Variants in CTNND2 observed in about 807,000 individuals in gnomAD.
The protein encoded by CTNND2 is catenin delta-2.
In CTNND2, 22 loss-of-function variants were observed where a neutral mutation model predicts 144.4. The observed-to-expected ratio is 0.15, with a 90% CI of 0.11 to 0.22. The LOEUF (loss-of-function observed/expected upper bound fraction) is 0.22, where lower values mean the gene tolerates loss of function less well. Ranked by LOEUF, CTNND2 falls within the 10% of genes least tolerant of loss-of-function variation. CTNND2 has a pLI of 1.00. For synonymous variants in CTNND2, 751 were observed against 695.6 expected (o/e 1.08, Z -1.25); for missense variants, 1,353 against 1,618.8 (o/e 0.84, Z 2.82).
chr5:11,544,893 C>T (rs889975460), intron 3 of CTNND2, among the ~76,000 whole-genome samples: 6 of 151,176 alleles, frequency 4.0e-5, no homozygotes, highest in Non-Finnish European at 8.8e-5. Flanking sequence ...CGGAGGCGGG[C>T]AGATCATGAG....
At chr5:11,720,650 C>T (rs928048300) in intron 2 of CTNND2, among the ~76,000 whole-genome samples, 29 of 152,112 alleles carry the variant, frequency 1.9e-4, no homozygotes, top group African/African-American at 7.0e-4. Context: ...GCTGCCGCGA[C>T]TCATGTTTGG....
At chr5:11,385,841 T>C (rs1181926477) in intron 6 of CTNND2, 1 of 144,628 alleles carries the variant, frequency 6.9e-6, no homozygotes, top group Non-Finnish European at 1.5e-5. Flanking sequence ...TAAGTCAGAA[T>C]GAATTCGCTT....
At chr5:11,299,715 G>A (rs115364347) in intron 9 of CTNND2, among the ~76,000 whole-genome samples, 79 of 152,302 alleles carry the variant, frequency 5.2e-4, no homozygotes, top group Non-Finnish European at 9.6e-4. Flanking sequence ...TTTGCTGAGT[G>A]TGTTCCCAGG....
intron 2 of CTNND2, among the ~76,000 whole-genome samples, chr5:11,627,858 C>T (rs1230449235): frequency 6.6e-6 from 1 of 150,540 alleles, no homozygotes; most frequent in African/African-American, 2.4e-5. Context: ...GAGACAATGA[C>T]AGATCATCAG....
chr5:11,421,009 A>G (rs575999548), intron 3 of CTNND2, among the ~76,000 whole-genome samples: 3 of 152,244 alleles, frequency 2.0e-5, no homozygotes, highest in East Asian at 3.9e-4. Context: ...GCTTACCTTT[A>G]GGAAACTAGA....
intron 3 of CTNND2, among the ~76,000 whole-genome samples, chr5:11,539,989 G>A (rs539718999): frequency 7.2e-5 from 11 of 152,190 alleles, no homozygotes; most frequent in East Asian, 1.9e-4. Flanking sequence ...AGCTGAGGTC[G>A]CACCACTGCA....
intron 11 of CTNND2, among the ~76,000 whole-genome samples, chr5:11,173,935 C>G (rs4702790): frequency 6.6e-6 from 1 of 151,904 alleles, no homozygotes; most frequent in Admixed American, 6.6e-5. Context: ...GGCTGAAGTG[C>G]GGTGAAAAGA....
At chr5:11,255,659 TC>T (rs1744159748) in intron 9 of CTNND2, among the ~76,000 whole-genome samples, 1 of 152,162 alleles carries the variant, frequency 6.6e-6, no homozygotes. Flanking sequence ...GGCACGGTTA[TC>T]ATGGAGGAAC....
At chr5:11,100,557 C>T (rs13184045) in intron 14 of CTNND2, among the ~76,000 whole-genome samples, 11,114 of 152,250 alleles carry the variant, frequency 0.073, 539 homozygotes, top group Non-Finnish European at 0.1. Flanking sequence ...GTAGGTTTGC[C>T]AGTTTCAATG....
At chr5:11,680,140 T>C (rs1650531902) in intron 2 of CTNND2, among the ~76,000 whole-genome samples, 1 of 151,722 alleles carries the variant, frequency 6.6e-6, no homozygotes, top group South Asian at 2.1e-4. Context: ...AACTGTGAGG[T>C]GTAAAGACCA....
intron 11 of CTNND2, among the ~76,000 whole-genome samples, chr5:11,198,106 A>C (rs1413546890): frequency 6.6e-6 from 1 of 152,184 alleles, no homozygotes; most frequent in Admixed American, 6.5e-5. Flanking sequence ...CACAAATATA[A>C]GGATGGGTGT....
chr5:11,674,850 C>T (rs1340911503), intron 2 of CTNND2, among the ~76,000 whole-genome samples: 2 of 152,030 alleles, frequency 1.3e-5, no homozygotes, highest in Non-Finnish European at 2.9e-5. Flanking sequence ...CTCAGCCTCC[C>T]GAGTAGCTGG....
intron 2 of CTNND2, among the ~76,000 whole-genome samples, chr5:11,725,414 G>T (rs547778064): frequency 6.6e-5 from 10 of 152,246 alleles, no homozygotes; most frequent in Admixed American, 3.3e-4. Context: ...TAAATATATT[G>T]CAGATCAAAT....
In CTNND2 at chr5:11,384,856, A is replaced by T; in HGVS notation, c.986T>A (p.Ile329Asn). The part of the protein sequence containing the change: ...IVVSSAGLSP[I>N]RVTSPPTVQS... ...CACGGTGGGGGGCGAGGTCACGCGG[A>T]TCGGGGACAGGCCGGCCGAGGACAC... Residue 329 changes from isoleucine to asparagine, a missense_variant, in exon 7 of 22, where the codon ATC becomes AAC. By Grantham distance (149) the Ile-to-Asn change is moderately radical (BLOSUM62 -3). This residue lies in a region of CTNND2 where 708 missense variants were observed against 706.4 expected (regional missense o/e 1.00). Coordinates refer to ENST00000304623, the MANE Select transcript of CTNND2 (RefSeq NM_001332.4). The surrounding 1 kb of genome is among the most constrained non-coding windows in gnomAD (Gnocchi z 5.2). 1 of 1,612,706 alleles carries T rather than the reference A, an allele frequency of 6.2e-7. No individual in the cohort carries two copies. The highest frequency in any genetic ancestry group is 1.1e-5 in the South Asian group (1 of 90,888).
At chr5:11,243,842 G>A (rs756991219) in intron 9 of CTNND2, among the ~76,000 whole-genome samples, 1 of 152,128 alleles carries the variant, frequency 6.6e-6, no homozygotes, top group Non-Finnish European at 1.5e-5. Context: ...AGAGTCCCAG[G>A]ACAACTAGAA....
At chr5:11,269,285 G>C (rs966472086) in intron 9 of CTNND2, among the ~76,000 whole-genome samples, 1 of 152,194 alleles carries the variant, frequency 6.6e-6, no homozygotes, top group Non-Finnish European at 1.5e-5. Context: ...ATCTTTATTT[G>C]CTCCTTAGCC....
chr5:11,725,968 T>C (rs1470192450), intron 2 of CTNND2, among the ~76,000 whole-genome samples: 3 of 152,358 alleles, frequency 2.0e-5, no homozygotes, highest in Middle Eastern at 3.4e-3. Flanking sequence ...TCTTGCTTTG[T>C]GCAAACCATG....
chr5:11,515,360 A>G (rs944162920), intron 3 of CTNND2, among the ~76,000 whole-genome samples: 3 of 152,210 alleles, frequency 2.0e-5, no homozygotes, highest in African/African-American at 7.2e-5. Flanking sequence ...ACGCAATGTG[A>G]CAAATTAGAA....
rs1206388402 is a variant in CTNND2, at chr5:10,988,385, A to AT, written c.3212-144dup. ...CTGATGGGTTTTCTTTTTAATTTTT[A>AT]TTTTTTGGCAGTTTTGGCTCTTGTC... On this transcript the variant is annotated intron_variant, in intron 19 of 21. Transcript: ENST00000304623. The surrounding 1 kb of genome is among the most constrained non-coding windows in gnomAD (Gnocchi z 5.9). 1.1e-5 allele frequency: 11 copies of AT among 1,043,254 alleles called. No individual in the cohort carries two copies. The highest frequency in any genetic ancestry group is 1.5e-5 in the Non-Finnish European group (11 of 738,648). 64.6% of individuals were successfully genotyped at this position (1,043,254 alleles called of 1,614,324 possible).
Sources: allele counts gnomAD v4.1 joint callset (sites outside exome capture counted in the v4.1 genomes callset), GRCh38; gene constraint gnomAD v4.1.1; regional missense constraint gnomAD v4.1.1; non-coding constraint Gnocchi (gnomAD v3.1); transcripts MANE v1.5; gene names NCBI Gene and HGNC (gene_info 2026-07-23, HGNC 2026-07-21).